HYCC2: variants seen among roughly 807,000 people sequenced by gnomAD.
The protein encoded by HYCC2 is hyccin PI4KA lipid kinase complex subunit 2.
chr2:200,975,597 C>T, the HYCC2 span: 2 of 152,028 alleles, frequency 1.3e-5, no homozygotes, highest in African/African-American at 4.8e-5. Flanking sequence ...AATTTGTAAA[C>T]ATGATTAGCA....
chr2:201,057,242 C>T, the HYCC2 span, among the ~76,000 whole-genome samples: 1 of 152,192 alleles, frequency 6.6e-6, no homozygotes, highest in African/African-American at 2.4e-5. Context: ...CAGATATGAA[C>T]TTTCAAGGGA....
the HYCC2 span, among the ~76,000 whole-genome samples, chr2:201,024,321 CT>C: frequency 2.6e-5 from 4 of 151,910 alleles, no homozygotes; most frequent in South Asian, 8.4e-4. Context: ...GACCTTGTCT[CT>C]ACTAAAAATC....
At chr2:201,022,914 T>G in the HYCC2 span, 1 of 1,613,172 alleles carries the variant, frequency 6.2e-7, no homozygotes, top group Non-Finnish European at 8.5e-7. Context: ...TAACTGGTGA[T>G]CTGAGTGTCA....
At chr2:201,021,884 G>C in the HYCC2 span, 1 of 377,762 alleles carries the variant, frequency 2.6e-6, no homozygotes, top group Non-Finnish European at 5.2e-6. Flanking sequence ...CACTGCAAGA[G>C]AAAAAGCAAA....
chr2:200,981,875 A>C, the HYCC2 span: 4 of 1,591,246 alleles, frequency 2.5e-6, no homozygotes, highest in African/African-American at 2.7e-5. This position sits in a 1 kb window ranked among gnomAD's most constrained non-coding sequence, Gnocchi z 4.5. Flanking sequence ...TCAGCACCTA[A>C]GAAAACAAAT....
the HYCC2 span, among the ~76,000 whole-genome samples, chr2:201,035,406 C>T: frequency 6.6e-6 from 1 of 152,160 alleles, no homozygotes; most frequent in Non-Finnish European, 1.5e-5. Flanking sequence ...GCTACTGAGG[C>T]TTGTGCATTC....
At chr2:201,031,344 A>G in the HYCC2 span, among the ~76,000 whole-genome samples, 469 of 152,238 alleles carry the variant, frequency 3.1e-3, 2 homozygotes, top group African/African-American at 0.011. Context: ...AGAAATCACA[A>G]TATATATTAC....
chr2:201,023,729 C>T, the HYCC2 span: 3 of 352,660 alleles, frequency 8.5e-6, no homozygotes, highest in Admixed American at 4.6e-5. Flanking sequence ...TCAATCCTAA[C>T]AACTATTTTC....
At chr2:201,056,059 C>A in the HYCC2 span, among the ~76,000 whole-genome samples, 5 of 152,034 alleles carry the variant, frequency 3.3e-5, no homozygotes, top group East Asian at 9.7e-4. Context: ...TGGTGGCAGG[C>A]GCCTGTAGCC....
chr2:201,055,350 A>T, the HYCC2 span, among the ~76,000 whole-genome samples: 1 of 150,858 alleles, frequency 6.6e-6, no homozygotes, highest in Admixed American at 6.6e-5. Flanking sequence ...CCATTGCACT[A>T]CAGCCTGGGC....
the HYCC2 span, among the ~76,000 whole-genome samples, chr2:201,049,372 C>A: frequency 6.6e-6 from 1 of 151,820 alleles, no homozygotes; most frequent in Admixed American, 6.6e-5. Flanking sequence ...TTTTTTGAGA[C>A]GGAGTCTCGC....
the HYCC2 span, chr2:201,066,977 T>A: frequency 3.6e-6 from 1 of 281,654 alleles, no homozygotes; most frequent in Non-Finnish European, 7.0e-6. Flanking sequence ...CTGACCAGAG[T>A]TCACCATGAA....
the HYCC2 span, chr2:201,024,083 G>A: frequency 1.9e-5 from 20 of 1,067,052 alleles, no homozygotes; most frequent in Non-Finnish European, 2.6e-5. Context: ...AGTACTTATA[G>A]GAACAACTAG....
At chr2:200,997,614 T>C in the HYCC2 span, 1 of 892,418 alleles carries the variant, frequency 1.1e-6, no homozygotes, top group Non-Finnish European at 1.8e-6. Context: ...TGACAATGCC[T>C]TAATATTGAC....
At chr2:201,021,269 T>A in the HYCC2 span, among the ~76,000 whole-genome samples, 1 of 152,142 alleles carries the variant, frequency 6.6e-6, no homozygotes, top group Admixed American at 6.6e-5. Context: ...GAACACATGG[T>A]TAGAGCCTTC....
chr2:201,049,836 A>C, the HYCC2 span, among the ~76,000 whole-genome samples: 1 of 152,090 alleles, frequency 6.6e-6, no homozygotes, highest in Non-Finnish European at 1.5e-5. Flanking sequence ...ACTACCTGGA[A>C]AATTAAAATT....
At chr2:200,997,657 T>C in the HYCC2 span, 4 of 638,436 alleles carry the variant, frequency 6.3e-6, no homozygotes, top group East Asian at 1.1e-4. Context: ...CAATATAGCA[T>C]CTTCCTCAAA....
chr2:200,992,809 G>C, the HYCC2 span: 1 of 897,364 alleles, frequency 1.1e-6, no homozygotes, highest in Non-Finnish European at 1.8e-6. Context: ...TATTGTGTCG[G>C]ATAAGGAAGA....
At chr2:201,001,201 T>G in the HYCC2 span, among the ~76,000 whole-genome samples, 1 of 150,812 alleles carries the variant, frequency 6.6e-6, no homozygotes, top group African/African-American at 2.4e-5. Flanking sequence ...AGCTCTGCCC[T>G]CCTACATTTG....
Sources: allele counts gnomAD v4.1 joint callset (sites outside exome capture counted in the v4.1 genomes callset), GRCh38; gene constraint gnomAD v4.1.1; non-coding constraint Gnocchi (gnomAD v3.1); transcripts MANE v1.5; gene names NCBI Gene and HGNC (gene_info 2026-07-23, HGNC 2026-07-21).